Variants in GALNT2 observed in about 807,000 individuals in gnomAD.
GALNT2 encodes UDP-GalNAc:polypeptide N-acetylgalactosaminyltransferase 2.
GALNT2 carries 31 observed loss-of-function variants against 81.4 expected under a neutral mutation model. That is an observed-to-expected ratio of 0.38 (90% CI 0.29 to 0.51). The LOEUF (loss-of-function observed/expected upper bound fraction) is 0.51. Ranked by LOEUF, GALNT2 falls within the 20% of genes least tolerant of loss-of-function variation. The pLI is 0.87. For synonymous variants in GALNT2, 303 were observed against 287.4 expected, an observed-to-expected ratio of 1.05 and a Z score of -0.55; for missense variants, 629 against 765.7, an observed-to-expected ratio of 0.82 and a Z score of 2.11.
At chr1:230,237,323 T>C (rs1457599323) in intron 6 of GALNT2, among the ~76,000 whole-genome samples, 4 of 152,180 alleles carry the variant, frequency 2.6e-5, no homozygotes, top group Non-Finnish European at 5.9e-5. Flanking sequence ...CCAATCACAA[T>C]GTAATTAACA....
chr1:230,129,681 C>A (rs1195452526), intron 1 of GALNT2, among the ~76,000 whole-genome samples: 1 of 152,110 alleles, frequency 6.6e-6, no homozygotes, highest in East Asian at 1.9e-4. Flanking sequence ...TTTTTCCCCC[C>A]AAAATTCTGT....
chr1:230,263,411 T>A (rs1185312306), intron 13 of GALNT2: 1 of 198,308 alleles, frequency 5.0e-6, no homozygotes, highest in Non-Finnish European at 1.0e-5. Flanking sequence ...GCCAGGCGCC[T>A]TTGCATGCCT....
At chr1:230,217,567 T>C (rs914496956) in intron 3 of GALNT2, among the ~76,000 whole-genome samples, 4 of 152,226 alleles carry the variant, frequency 2.6e-5, no homozygotes, top group African/African-American at 9.6e-5. Context: ...TTTGTGCTGC[T>C]ATAACAAAAT....
chr1:230,123,806 T>C (rs1452422351), intron 1 of GALNT2, among the ~76,000 whole-genome samples: 3 of 152,256 alleles, frequency 2.0e-5, no homozygotes, highest in South Asian at 2.1e-4. Flanking sequence ...TTTAACCTCA[T>C]GATCATTGCC....
At chr1:230,219,958 C>G (rs945390171) in intron 3 of GALNT2, among the ~76,000 whole-genome samples, 1 of 152,126 alleles carries the variant, frequency 6.6e-6, no homozygotes, top group African/African-American at 2.4e-5. Context: ...CCAGGTATTT[C>G]GTAAGTTGCT....
At chr1:230,060,102 G>A (rs1431891035) in intron 1 of GALNT2, among the ~76,000 whole-genome samples, 1 of 152,050 alleles carries the variant, frequency 6.6e-6, no homozygotes, top group Non-Finnish European at 1.5e-5. Flanking sequence ...GTCTCTTCAG[G>A]TCCATTAATC....
At chr1:230,212,878 CTG>C (rs1300115546) in intron 3 of GALNT2, among the ~76,000 whole-genome samples, 1 of 152,114 alleles carries the variant, frequency 6.6e-6, no homozygotes, top group Non-Finnish European at 1.5e-5. Context: ...GGCCTTCTCT[CTG>C]TCTGAATTAA....
chr1:230,256,108 C>G (rs1340278566), intron 11 of GALNT2, among the ~76,000 whole-genome samples: 1 of 152,114 alleles, frequency 6.6e-6, no homozygotes, highest in Non-Finnish European at 1.5e-5. Context: ...GAGTGGAGCC[C>G]TCATGGCATA....
At chr1:230,202,827 C>A (rs1046165181) in intron 2 of GALNT2, among the ~76,000 whole-genome samples, 5 of 152,196 alleles carry the variant, frequency 3.3e-5, no homozygotes, top group Non-Finnish European at 5.9e-5. Flanking sequence ...GAGAACATCT[C>A]CTTTTATAGA....
chr1:230,115,466 G>T (rs1660818283), intron 1 of GALNT2, among the ~76,000 whole-genome samples: 1 of 152,166 alleles, frequency 6.6e-6, no homozygotes, highest in Non-Finnish European at 1.5e-5. Flanking sequence ...TGCCGTCTGT[G>T]AATAGGGCAG....
intron 1 of GALNT2, among the ~76,000 whole-genome samples, chr1:230,137,452 C>T (rs969414434): frequency 4.6e-5 from 7 of 152,222 alleles, no homozygotes; most frequent in Non-Finnish European, 1.0e-4. Flanking sequence ...TCTCCCCTCC[C>T]CACCTGGCTT....
At position 230,203,310 on chromosome 1, in the gene GALNT2, C is replaced by T; in HGVS notation, c.374+20C>T. ...TGACCAGTAAGTACCCCACTAAGCACCTGCTGCAGCTTCATTTGCTTTCAC... is the reference window on the plus strand; with the variant it reads ...TGACCAGTAAGTACCCCACTAAGCATCTGCTGCAGCTTCATTTGCTTTCAC... On this transcript the variant is annotated intron_variant, in intron 3 of 15. Coordinates refer to ENST00000366672, the MANE Select transcript of GALNT2 (RefSeq NM_004481.5). 1 of 1,608,910 alleles carries T rather than the reference C, an allele frequency of 6.2e-7. No individual in the cohort carries two copies. Among genetic ancestry groups the T allele is most frequent in the Non-Finnish European group, 8.5e-7 (1 of 1,175,780 alleles).
rs1399004438 is a variant in GALNT2 at position 230,221,650 on chromosome 1, T to A, written c.375-14364T>A. Among the ~76,000 whole-genome samples the A allele has an allele frequency of 2.6e-5, 4 of 152,236 alleles. No individual in the cohort carries two copies. The East Asian group carries it at 7.7e-4, about 29-fold the overall frequency. On this transcript the variant is annotated intron_variant, in intron 3 of 15. Transcript: ENST00000366672. ...TTTAGATGCTTCAGAAAAACTGATT[T>A]GTAAAGGAGTTATTTGTTTCTTGGA...
At chr1:230,194,124 C>T (rs1297430534) in intron 2 of GALNT2, among the ~76,000 whole-genome samples, 1 of 152,208 alleles carries the variant, frequency 6.6e-6, no homozygotes, top group Admixed American at 6.5e-5. Flanking sequence ...AAATTCTGTA[C>T]CCAAGGAAGT....
In GALNT2 at chr1:230,070,533, G is replaced by A. The variant is rs1015353853; in HGVS notation, c.126+3127G>A. On this transcript the variant is annotated intron_variant, in intron 1 of 15. Transcript: ENST00000366672. The surrounding 1 kb of genome is among the most constrained non-coding windows in gnomAD (Gnocchi z 4.7). ...CCTTGCCTGTGTGCCTGCATGCTGGGAGGTAAGGGACGGTGTTAGTTGAGG... is the reference window on the plus strand; with the variant it reads ...CCTTGCCTGTGTGCCTGCATGCTGGAAGGTAAGGGACGGTGTTAGTTGAGG... Among the ~76,000 whole-genome samples the A allele has an allele frequency of 6.6e-6, 1 of 152,178 alleles. No homozygotes were observed. The highest frequency in any genetic ancestry group is 2.4e-5 in the African/African-American group (1 of 41,430).
At chr1:230,194,082 G>A (rs1179249615) in intron 2 of GALNT2, among the ~76,000 whole-genome samples, 1 of 152,224 alleles carries the variant, frequency 6.6e-6, no homozygotes, top group African/African-American at 2.4e-5. Context: ...CTATAACTCA[G>A]AGCCTGGTGG....
chr1:230,118,294 A>G (rs1045432718), intron 1 of GALNT2, among the ~76,000 whole-genome samples: 3 of 152,254 alleles, frequency 2.0e-5, no homozygotes, highest in Non-Finnish European at 4.4e-5. Flanking sequence ...GCAATTATGA[A>G]TAAAGGTGTT....
At chr1:230,072,769 C>G (rs907407838) in intron 1 of GALNT2, among the ~76,000 whole-genome samples, 1 of 152,172 alleles carries the variant, frequency 6.6e-6, no homozygotes, top group East Asian at 1.9e-4. Context: ...CTGCCCTGGT[C>G]TTTCCTTGGG....
chr1:230,089,228 C>G (rs1477074137), intron 1 of GALNT2, among the ~76,000 whole-genome samples: 1 of 150,638 alleles, frequency 6.6e-6, no homozygotes, highest in African/African-American at 2.5e-5. Context: ...CTCACAGCAA[C>G]CTCCGCCTCC....
Sources: allele counts gnomAD v4.1 joint callset (sites outside exome capture counted in the v4.1 genomes callset), GRCh38; gene constraint gnomAD v4.1.1; non-coding constraint Gnocchi (gnomAD v3.1); transcripts MANE v1.5; gene names NCBI Gene and HGNC (gene_info 2026-07-23, HGNC 2026-07-21).